Variants in FOXO1 observed in about 807,000 individuals in gnomAD.
FOXO1 encodes forkhead box O1, also known as forkhead box protein O1.
Under a neutral mutation model 44.1 loss-of-function variants are expected in FOXO1, and 6 were observed. That is an observed-to-expected ratio of 0.14 (90% CI 0.07 to 0.27). FOXO1 has a LOEUF of 0.27. FOXO1 is among the 10% of genes least tolerant of loss of function. The pLI is 1.00. For synonymous variants in FOXO1, 380 were observed against 362.7 expected (o/e 1.05, Z -0.54); for missense variants, 737 against 888.8 (o/e 0.83, Z 2.17).
intron 1 of FOXO1, among the ~76,000 whole-genome samples, chr13:40,656,686 T>C (rs988796556): frequency 3.3e-5 from 5 of 152,238 alleles, no homozygotes; most frequent in Non-Finnish European, 7.3e-5. Context: ...TTTAATGTAA[T>C]CATATTTTCA....
chr13:40,578,752 A>T (rs1874852269), intron 1 of FOXO1, among the ~76,000 whole-genome samples: 1 of 152,238 alleles, frequency 6.6e-6, no homozygotes, highest in Non-Finnish European at 1.5e-5. Context: ...CAGGATTCCT[A>T]ACTGTACAGT....
chr13:40,588,087 TC>T (rs1276179745), intron 1 of FOXO1, among the ~76,000 whole-genome samples: 2 of 152,178 alleles, frequency 1.3e-5, no homozygotes, highest in African/African-American at 4.8e-5. Context: ...TAGAAAGGAT[TC>T]AATTCAATTA....
intron 1 of FOXO1, among the ~76,000 whole-genome samples, chr13:40,578,242 T>G (rs1325227403): frequency 6.6e-6 from 1 of 152,146 alleles, no homozygotes; most frequent in Non-Finnish European, 1.5e-5. Flanking sequence ...CCAAATTTCT[T>G]AAGTCCATCC....
chr13:40,601,100 T>C lies in FOXO1; in HGVS notation c.631-40240A>G, dbSNP rs189936650. Among the ~76,000 whole-genome samples, 37 of 152,328 alleles carry C rather than the reference T, an allele frequency of 2.4e-4. 1 individual carries two copies. In the East Asian group the frequency reaches 7.1e-3, roughly 29 times the overall value. On this transcript the variant is annotated intron_variant, in intron 1 of 2. Transcript: ENST00000379561. ...AATGCCCCCCACCACCCGTTTTCTC[T>C]TCTTTGCAGCCATCTTCCCTTTCAT... is the stretch of plus-strand genomic sequence containing the variant.
chr13:40,561,056 A>T (rs1481764058), intron 1 of FOXO1, among the ~76,000 whole-genome samples, 196 bp from the exon 2 acceptor site: 2 of 152,160 alleles, frequency 1.3e-5, no homozygotes, highest in Non-Finnish European at 2.9e-5. Context: ...ATCTTATCTT[A>T]AAAACAATAT....
chr13:40,659,864 G>C (rs1025082063), intron 1 of FOXO1, among the ~76,000 whole-genome samples: 1 of 152,054 alleles, frequency 6.6e-6, no homozygotes, highest in Admixed American at 6.6e-5. Context: ...AATAGCCAAC[G>C]TACAAAAATG....
intron 1 of FOXO1, chr13:40,620,062 A>T: frequency 2.2e-6 from 2 of 904,674 alleles, no homozygotes; most frequent in Admixed American, 2.0e-5. Context: ...AAGATCTGTC[A>T]GGAGGAGAGG....
At chr13:40,611,001 T>A (rs1876207820) in intron 1 of FOXO1, 1 of 453,786 alleles carries the variant, frequency 2.2e-6, no homozygotes, top group Admixed American at 2.4e-5. Flanking sequence ...CTACATAAAT[T>A]CCAGAATGCA....
chr13:40,606,896 C>T (rs1469315586), intron 1 of FOXO1, among the ~76,000 whole-genome samples: 1 of 152,220 alleles, frequency 6.6e-6, no homozygotes, highest in African/African-American at 2.4e-5. Flanking sequence ...CAGTAACTTC[C>T]TTTTTCTATC....
Position 40,665,613 on chromosome 13 carries a change from C to T in FOXO1, c.600G>A (p.Lys200=), listed in dbSNP as rs555891844. The T allele has an allele frequency of 2.7e-6, 4 of 1,470,416 alleles. No individual in the cohort carries two copies. Among genetic ancestry groups the T allele is most frequent in the Admixed American group, 2.2e-5 (1 of 46,408 alleles). The allele number at this position is 1,470,416 out of a possible 1,614,324, so 91.1% of individuals were successfully genotyped here. Residue 200 remains lysine (K), a synonymous_variant, in exon 1 of 3, where the codon AAG becomes AAA. Transcript: ENST00000379561. The part of the protein sequence containing the change: ...MVKSVPYFKD[K]GDSNSSAGWK... The stretch of plus-strand genomic sequence containing the variant: ...AGCCCGCCGAGCTGTTGCTGTCACC[C>T]TTATCCTTGAAGTAGGGCACGCTCT...
At chr13:40,630,735 C>G (rs976937085) in intron 1 of FOXO1, among the ~76,000 whole-genome samples, 4 of 151,878 alleles carry the variant, frequency 2.6e-5, no homozygotes, top group Non-Finnish European at 4.4e-5. Context: ...AACTATTTTT[C>G]CCTTCCCATA....
chr13:40,621,157 A>T, intron 1 of FOXO1: 1 of 499,136 alleles, frequency 2.0e-6, no homozygotes, highest in Non-Finnish European at 3.7e-6. Flanking sequence ...CTAGAGCATA[A>T]CAGTATTGAT....
chr13:40,653,902 AC>A (rs1366488210), intron 1 of FOXO1, among the ~76,000 whole-genome samples: 1 of 152,184 alleles, frequency 6.6e-6, no homozygotes, highest in Non-Finnish European at 1.5e-5. Context: ...CATATCTCTA[AC>A]ATAGTAAGAG....
chr13:40,580,406 G>T (rs183186975), intron 1 of FOXO1, among the ~76,000 whole-genome samples: 2 of 152,122 alleles, frequency 1.3e-5, no homozygotes, highest in Admixed American at 1.3e-4. Flanking sequence ...GCTGAGGAGC[G>T]TGGGCTTGCT....
chr13:40,567,939 G>A (rs1004724006), intron 1 of FOXO1, among the ~76,000 whole-genome samples: 1 of 151,946 alleles, frequency 6.6e-6, no homozygotes, highest in Non-Finnish European at 1.5e-5. Context: ...CTGCACTCTA[G>A]ACTGGGCAAC....
At chr13:40,661,047 T>C (rs1311057634) in intron 1 of FOXO1, among the ~76,000 whole-genome samples, 2 of 152,130 alleles carry the variant, frequency 1.3e-5, no homozygotes, top group African/African-American at 4.8e-5. Flanking sequence ...ACCAAGGACA[T>C]GCCACAAAAC....
At chr13:40,582,446 G>A (rs1034172589) in intron 1 of FOXO1, among the ~76,000 whole-genome samples, 6 of 152,110 alleles carry the variant, frequency 3.9e-5, no homozygotes, top group African/African-American at 1.2e-4. Context: ...TTTCTTTCAC[G>A]AAAAATTTCT....
chr13:40,635,236 CT>C (rs1877107493), intron 1 of FOXO1, among the ~76,000 whole-genome samples: 1 of 152,164 alleles, frequency 6.6e-6, no homozygotes, highest in Admixed American at 6.5e-5. Context: ...TTCCCATTCA[CT>C]GTTTATTCCT....
intron 1 of FOXO1, among the ~76,000 whole-genome samples, chr13:40,634,986 A>G (rs1019346338): frequency 6.6e-6 from 1 of 152,054 alleles, no homozygotes; most frequent in African/African-American, 2.4e-5. Context: ...CCCAATTTTT[A>G]AAAACAAAAC....
Sources: allele counts gnomAD v4.1 joint callset (sites outside exome capture counted in the v4.1 genomes callset), GRCh38; gene constraint gnomAD v4.1.1; transcripts MANE v1.5; gene names NCBI Gene and HGNC (gene_info 2026-07-23, HGNC 2026-07-21).